TTN: variants seen among roughly 807,000 people sequenced by gnomAD.
The protein encoded by TTN is titin, also known as connectin.
TTN carries 1,525 observed loss-of-function variants against 3,223.0 expected under a neutral mutation model. That is an observed-to-expected ratio of 0.47 (90% confidence interval 0.45 to 0.49). The LOEUF (loss-of-function observed/expected upper bound fraction) is 0.49, where lower values mean the gene tolerates loss of function less well. TTN is among the 20% of genes least tolerant of loss of function. TTN has a pLI of 0.00. For synonymous variants in TTN, 14,094 were observed against 15,161.0 expected (o/e 0.93, Z 5.17); for missense variants, 40,786 against 43,424.0 (o/e 0.94, Z 5.40).
rs878919397 is a variant in TTN at position 178,705,181 on chromosome 2, T to C, written c.29597A>G (p.His9866Arg). The C allele has an allele frequency of 6.2e-7, 1 of 1,613,024 alleles. No individual in the cohort carries two copies. The highest frequency in any genetic ancestry group is 8.5e-7 in the Non-Finnish European group (1 of 1,179,568). Residue 9866 changes from histidine to arginine, a missense_variant, in exon 103 of 363, where the codon CAT becomes CGT. Coordinates refer to ENST00000589042, the MANE Select transcript of TTN (RefSeq NM_001267550.2). ...ATATATGAAGGAGCATACCAGTCTATGTGTCTCTTCTTCTTGGCTTTGCTT... is the reference window on the plus strand; with the variant it reads ...ATATATGAAGGAGCATACCAGTCTACGTGTCTCTTCTTCTTGGCTTTGCTT... Reference protein sequence around the residue: ...LLKQSQEEETHRLEIEEIERS... With the variant: ...LLKQSQEEETRRLEIEEIERS...
At position 178,545,553 on chromosome 2, in the gene TTN, G is replaced by T; in HGVS notation, c.95557C>A (p.Arg31853Ser). 6.2e-7 allele frequency: 1 copy of T among 1,613,684 alleles called. No individual in the cohort carries two copies. The highest frequency in any genetic ancestry group is 1.3e-5 in the African/African-American group (1 of 75,016). Residue 31853 changes from arginine to serine, a missense_variant, in exon 344 of 363, where the codon CGC (arginine) becomes AGC (serine). Transcript: ENST00000589042. ...TAGTCTTTGTTGACACGTGTCCAGC[G>T]CAGGCTCTTCTTCTCACGTTTGTCT... ...LVDKREKKSL[R>S]WTRVNKDYVV...
chr2:178,576,803 C>A lies in TTN; in HGVS notation c.69441G>T (p.Glu23147Asp). 1 of 1,612,814 alleles carries A rather than the reference C, an allele frequency of 6.2e-7. No individual in the cohort carries two copies. The highest frequency in any genetic ancestry group is 1.7e-4 in the Middle Eastern group (1 of 6,048). Residue 23147 changes from glutamate to aspartate, a missense_variant, in exon 325 of 363, where the codon GAG (glutamate) becomes GAT (aspartate). By Grantham distance (45) the Glu-to-Asp change is conservative. Transcript: ENST00000589042. This position sits in a 1 kb window ranked among gnomAD's most constrained non-coding sequence, Gnocchi z 4.3. Reference protein sequence around the residue: ...FGPPGPPEKPEVSNVTKNTAT... With the variant: ...FGPPGPPEKPDVSNVTKNTAT... ...CAGTGTTCTTAGTGACATTTGATAC[C>A]TCTGGTTTTTCAGGAGGGCCAGGGG...
In TTN at chr2:178,609,413, G is replaced by A. The variant is rs1391125579; in HGVS notation, c.51897C>T (p.Pro17299=). ...VPEEIKKRAA[P]LVRRRKGEVQ... The stretch of plus-strand genomic sequence containing the variant: ...CTTCACCCTTCCTTCTCCTAACCAA[G>A]GGTGCTGCACGCTTCTTAATTTCCT... The change falls in exon 273 of 363, where the codon CCC becomes CCT. Residue 17299 remains proline, a synonymous_variant. Coordinates refer to ENST00000589042, the MANE Select transcript of TTN (RefSeq NM_001267550.2). 6.2e-7 allele frequency: 1 copy of A among 1,612,206 alleles called. No individual in the cohort carries two copies. The highest frequency in any genetic ancestry group is 8.5e-7 in the Non-Finnish European group (1 of 1,179,026).
chr2:178,619,361 G>A (rs1199325931), intron 250 of TTN: 5 of 523,016 alleles, frequency 9.6e-6, no homozygotes, highest in Admixed American at 3.7e-5. Flanking sequence ...CAGGGTGATA[G>A]CTTAGTTGTA....
At position 178,800,380 on chromosome 2, in the gene TTN, A is replaced by G. The variant is rs192944634; in HGVS notation, c.583+15T>C. ...TCTCTCCCCTTCTCTCTGTTCCTCAACCTCCAGCACGTACCTTGAACCAGT... is the reference window on the plus strand; with the variant it reads ...TCTCTCCCCTTCTCTCTGTTCCTCAGCCTCCAGCACGTACCTTGAACCAGT... On this transcript the variant is annotated intron_variant, in intron 4 of 362. Coordinates refer to ENST00000589042, the MANE Select transcript of TTN (RefSeq NM_001267550.2). 7.4e-6 allele frequency: 12 copies of G among 1,613,904 alleles called. No individual in the cohort carries two copies. In the African/African-American group the frequency reaches 1.3e-4, roughly 18 times the overall value.
In TTN at chr2:178,667,740, T is replaced by G; in HGVS notation, c.35546-19A>C. On this transcript the variant is annotated intron_variant, in intron 159 of 362. Coordinates refer to ENST00000589042, the MANE Select transcript of TTN (RefSeq NM_001267550.2). ...TCATAAACTTTAAAGATATTAGTATTTAAATAATTAGGATGTTTCAAGGTG... is the reference window on the plus strand; with the variant it reads ...TCATAAACTTTAAAGATATTAGTATGTAAATAATTAGGATGTTTCAAGGTG... The G allele has an allele frequency of 1.3e-6, 2 of 1,488,188 alleles. No individual in the cohort carries two copies. Among genetic ancestry groups the G allele is most frequent in the Non-Finnish European group, 1.8e-6 (2 of 1,092,538 alleles). 92.2% of individuals were successfully genotyped at this position (1,488,188 alleles called of 1,614,324 possible).
Position 178,641,274 on chromosome 2 carries a change from G to A in TTN, c.40600C>T (p.Pro13534Ser), listed in dbSNP as rs770091359. ...RPEEEEPKVE[P>S]KKLEKVKKPA... ...TTTTTAACTTTTTCTAGTTTTTTAG[G>A]TTCTACTTTAGGTTCTTCTTCTTCA... The change falls in exon 220 of 363, where the codon CCT (proline) becomes TCT (serine). Residue 13534 changes from proline to serine, a missense_variant. Transcript: ENST00000589042. 110 of 1,509,158 alleles carry A rather than the reference G, an allele frequency of 7.3e-5. No homozygotes were observed. The highest frequency in any genetic ancestry group is 9.1e-5 in the Non-Finnish European group (103 of 1,130,528). The allele number at this position is 1,509,158 out of a possible 1,614,324, so 93.5% of individuals were successfully genotyped here.
At position 178,568,378 on chromosome 2, in the gene TTN, T is replaced by G. The variant is rs1706774375; in HGVS notation, c.77754A>C (p.Thr25918=). The change falls in exon 326 of 363, where the codon ACA becomes ACC. Residue 25918 remains threonine, a synonymous_variant. Coordinates refer to ENST00000589042, the MANE Select transcript of TTN (RefSeq NM_001267550.2). ...TGTAGTTGGTGATTTGGCAGCCCCC[T>G]GTATATAATGGAGGGTTCCAAGATA... The part of the protein sequence containing the change: ...ITLSWNPPLY[T]GGCQITNYIV... 6.2e-7 allele frequency: 1 copy of G among 1,613,132 alleles called. No individual in the cohort carries two copies. The highest frequency in any genetic ancestry group is 1.3e-5 in the African/African-American group (1 of 74,892).
At position 178,541,338 on chromosome 2, in the gene TTN, C is replaced by G. The variant is rs1427710348; in HGVS notation, c.97739G>C (p.Arg32580Thr). ...AGGACGACTTGGTTTCCCAGACCCT[C>G]TTGCATTAATGGCTGTGACACGGTG... The part of the protein sequence containing the change: ...YEHRVTAINA[R>T]GSGKPSRPSK... The change falls in exon 350 of 363, where the codon AGA becomes ACA. Residue 32580 changes from arginine to threonine, a missense_variant. Transcript: ENST00000589042. 1.3e-6 allele frequency: 2 copies of G among 1,578,052 alleles called. No homozygotes were observed. Among genetic ancestry groups the G allele is most frequent in the Non-Finnish European group, 8.6e-7 (1 of 1,159,450 alleles).
chr2:178,562,381 C>A lies in TTN; in HGVS notation c.83751G>T (p.Lys27917Asn), dbSNP rs746705899. 2 of 1,611,230 alleles carry A rather than the reference C, an allele frequency of 1.2e-6. No homozygotes were observed. Among genetic ancestry groups the A allele is most frequent in the African/African-American group, 1.3e-5 (1 of 74,792 alleles). The change falls in exon 326 of 363, where the codon AAG (lysine) becomes AAT (asparagine). Residue 27917 changes from lysine to asparagine, a missense_variant. Physicochemically the swap from Lys to Asn is moderately conservative, Grantham distance 94. Transcript: ENST00000589042. ...SEKWSTCTQVKTLEATISGLT... is the reference protein window; with the variant it reads ...SEKWSTCTQVNTLEATISGLT... ...AGCCAGATATAGTTGCTTCTAGAGTCTTAACTTGTGTGCAGGTGCTCCACT... is the reference window on the plus strand; with the variant it reads ...AGCCAGATATAGTTGCTTCTAGAGTATTAACTTGTGTGCAGGTGCTCCACT...
At chr2:178,693,257 A>G (rs1023165538) in intron 119 of TTN, among the ~76,000 whole-genome samples, 2 of 152,154 alleles carry the variant, frequency 1.3e-5, no homozygotes, top group African/African-American at 4.8e-5. Flanking sequence ...ACATAATCTA[A>G]TTTTTAATAA....
Position 178,636,509 on chromosome 2 carries a change from C to T in TTN, c.41218G>A (p.Asp13740Asn). 6.2e-7 allele frequency: 1 copy of T among 1,613,450 alleles called. No homozygotes were observed. The highest frequency in any genetic ancestry group is 8.5e-7 in the Non-Finnish European group (1 of 1,179,582). The change falls in exon 225 of 363, where the codon GAC becomes AAC. Residue 13740 changes from aspartate to asparagine, a missense_variant. Transcript: ENST00000589042. This position sits in a 1 kb window ranked among gnomAD's most constrained non-coding sequence, Gnocchi z 4.3. Reference protein sequence around the residue: ...PKHRFIADGKDRKLHIIDVQL... With the variant: ...PKHRFIADGKNRKLHIIDVQL... The stretch of plus-strand genomic sequence containing the variant: ...ACATCAATGATGTGCAGCTTTCTGT[C>T]TTTACCATCTGCAATAAACCTGTGC...
intron 34 of TTN, 137 bp from the exon 35 acceptor site, chr2:178,770,812 T>A: frequency 8.9e-7 from 1 of 1,119,788 alleles, no homozygotes. Context: ...GCACCTCTGT[T>A]TTAAAAAACA....
At chr2:178,689,189 AG>A (rs2154278122) in intron 124 of TTN, 53 bp from the exon 125 acceptor site, 2 of 1,588,934 alleles carry the variant, frequency 1.3e-6, no homozygotes, top group East Asian at 4.5e-5. Flanking sequence ...ATTGAAGCCC[AG>A]TGCAAAACAA....
rs559524129 is a variant in TTN at position 178,529,322 on chromosome 2, A to G, written c.106532-103T>C. The stretch of plus-strand genomic sequence containing the variant: ...AAAAACATAAAAAGAAAAAAAGTCA[A>G]CTTCTTCATGCAATGTAGGTAATAC... On this transcript the variant is annotated intron_variant, in intron 359 of 362. Coordinates refer to ENST00000589042, the MANE Select transcript of TTN (RefSeq NM_001267550.2). The G allele has an allele frequency of 5.2e-5, 47 of 902,960 alleles. No homozygotes were observed. The Admixed American group carries it at 1.3e-3, about 25-fold the overall frequency. 55.9% of individuals were successfully genotyped at this position (902,960 alleles called of 1,614,324 possible). A position where few individuals can be genotyped will look rare whatever the true frequency, so the allele number is the denominator to read the frequency against.
At position 178,669,458 on chromosome 2, in the gene TTN, A is replaced by T; in HGVS notation, c.35471-11T>A. On this transcript the variant is annotated splice_polypyrimidine_tract_variant and intron_variant, in intron 158 of 362. Coordinates refer to ENST00000589042, the MANE Select transcript of TTN (RefSeq NM_001267550.2). ...TAGGCATCCCAGGAACTTTAAAGAT[A>T]TTAGTATATTAATTGTTACAGATAA... is the stretch of plus-strand genomic sequence containing the variant. The T allele has an allele frequency of 6.5e-7, 1 of 1,549,804 alleles. No individual in the cohort carries two copies. Among genetic ancestry groups the T allele is most frequent in the Non-Finnish European group, 8.6e-7 (1 of 1,156,596 alleles).
In TTN at chr2:178,537,216, A is replaced by G. The variant is rs768876552; in HGVS notation, c.99893T>C (p.Ile33298Thr). The part of the protein sequence containing the change: ...QDKPDKPTGP[I>T]VIEALLKNSA... ...GTTCTTCAATAGAGCTTCGATCACAATTGGTCCTGTAGGTTTGTCTGGTTT... is the reference window on the plus strand; with the variant it reads ...GTTCTTCAATAGAGCTTCGATCACAGTTGGTCCTGTAGGTTTGTCTGGTTT... Residue 33298 changes from isoleucine to threonine, a missense_variant, in exon 356 of 363, where the codon ATT (isoleucine) becomes ACT (threonine). Transcript: ENST00000589042. 11 of 1,608,528 alleles carry G rather than the reference A, an allele frequency of 6.8e-6. No homozygotes were observed. In the East Asian group the frequency reaches 2.0e-4, roughly 29 times the overall value.
rs368071644 is a variant in TTN, at chr2:178,571,664, G to C, written c.74468C>G (p.Ala24823Gly). The C allele has an allele frequency of 4.3e-6, 7 of 1,613,436 alleles. No homozygotes were observed. Among genetic ancestry groups the C allele is most frequent in the African/African-American group, 4.0e-5 (3 of 75,008 alleles). ...TGPVKMDEVT[A>G]DSITLSWGPP... ...GCCCCAGGAAAGAGTAATACTATCA[G>C]CTGTCACTTCATCCATTTTAACTGG... The change falls in exon 326 of 363, where the codon GCT becomes GGT. Residue 24823 changes from alanine to glycine, a missense_variant. Physicochemically the swap from Ala to Gly is moderately conservative, Grantham distance 60. Transcript: ENST00000589042.
chr2:178,558,088 A>T lies in TTN; in HGVS notation c.87266T>A (p.Met29089Lys). Residue 29089 changes from methionine (M) to lysine (K), a missense_variant, in exon 328 of 363, where the codon ATG (methionine) becomes AAG (lysine). Coordinates refer to ENST00000589042, the MANE Select transcript of TTN (RefSeq NM_001267550.2). The stretch of plus-strand genomic sequence containing the variant: ...AGCAGTAATTTCGGTATTAAATCTC[A>T]TGGTTGCCTTAAGGGGGACACCATC... The part of the protein sequence containing the change: ...SRDGVPLKAT[M>K]RFNTEITAEN... 6.2e-7 allele frequency: 1 copy of T among 1,606,856 alleles called. No individual in the cohort carries two copies. Among genetic ancestry groups the T allele is most frequent in the Non-Finnish European group, 8.5e-7 (1 of 1,173,442 alleles).
Sources: gnomAD v4.1 joint callset for allele counts (sites outside exome capture counted in the v4.1 genomes callset) on GRCh38, gnomAD v4.1.1 for gene constraint, Gnocchi (gnomAD v3.1) non-coding constraint, MANE v1.5 for transcripts, NCBI Gene and HGNC (gene_info 2026-07-23, HGNC 2026-07-21) for gene names.